Variants in DZIP1 observed in about 807,000 individuals in gnomAD.
DZIP1 encodes the protein cilium assembly protein DZIP1.
In DZIP1, 97 loss-of-function variants were observed where a neutral mutation model predicts 107.6. That is an observed-to-expected ratio of 0.90 (90% CI 0.77 to 1.07). DZIP1 has a LOEUF of 1.07. Among genes scored for constraint, DZIP1 ranks in the 50% least tolerant of loss-of-function variants. The pLI is 0.00. For synonymous variants in DZIP1, 390 were observed against 386.4 expected (o/e 1.01, Z -0.11); for missense variants, 1,035 against 1,063.6 (o/e 0.97, Z 0.37).
At chr13:95,629,418 A>C (rs1372445268) in intron 7 of DZIP1, among the ~76,000 whole-genome samples, 3 of 152,338 alleles carry the variant, frequency 2.0e-5, no homozygotes, top group African/African-American at 7.2e-5. Flanking sequence ...CATAGATGAG[A>C]AAAAAGAAAA....
chr13:95,626,978 A>G (rs1391827094), intron 7 of DZIP1, among the ~76,000 whole-genome samples: 1 of 152,242 alleles, frequency 6.6e-6, no homozygotes, highest in Non-Finnish European at 1.5e-5. Flanking sequence ...TCCCATTCCA[A>G]TAACCTTCTT....
At chr13:95,625,672 G>A (rs1408606) in intron 7 of DZIP1, among the ~76,000 whole-genome samples, 120,763 of 152,110 alleles carry the variant, frequency 0.79, 49,418 homozygotes, top group Non-Finnish European at 0.9. Flanking sequence ...AGTAAACAAC[G>A]TGCTCTTAAA....
intron 9 of DZIP1, among the ~76,000 whole-genome samples, chr13:95,620,435 G>C (rs1028287382): frequency 6.6e-6 from 1 of 152,230 alleles, no homozygotes. Flanking sequence ...AATACAGCTG[G>C]TATTTTTTAG....
At position 95,638,087 on chromosome 13, in the gene DZIP1, T is replaced by C. The variant is rs1283271618; in HGVS notation, c.597+3208A>G. Among the ~76,000 whole-genome samples, 12 of 21,960 alleles carry C rather than the reference T, an allele frequency of 5.5e-4. No individual in the cohort carries two copies. The East Asian group carries it at 0.014, about 25-fold the overall frequency. 14.4% of individuals were successfully genotyped at this position (21,960 alleles called of 152,430 possible). A position where few individuals can be genotyped will look rare whatever the true frequency, so the allele number is the denominator to read the frequency against. On this transcript the variant is annotated intron_variant, in intron 5 of 22. Transcript: ENST00000376829. ...CAAAATGCTAACCTGAGTTCAATCTTTTTTTTTTTTTTTTTTTTTGAGATG... is the reference window on the plus strand; with the variant it reads ...CAAAATGCTAACCTGAGTTCAATCTCTTTTTTTTTTTTTTTTTTTGAGATG...
intron 10 of DZIP1, among the ~76,000 whole-genome samples, chr13:95,619,229 A>G (rs1418412979): frequency 6.6e-6 from 1 of 152,254 alleles, no homozygotes; most frequent in Non-Finnish European, 1.5e-5. Context: ...ATATAAAGTG[A>G]AAAGTGTACA....
intron 16 of DZIP1, among the ~76,000 whole-genome samples, chr13:95,593,055 C>T (rs2044354855): frequency 6.6e-6 from 1 of 152,180 alleles, no homozygotes; most frequent in Non-Finnish European, 1.5e-5. Flanking sequence ...CATACACACA[C>T]ATCCATGTAC....
chr13:95,587,576 G>A lies in DZIP1; in HGVS notation c.2181C>T (p.Ser727=), dbSNP rs371016866. The A allele has an allele frequency of 1.1e-5, 17 of 1,613,808 alleles. No homozygotes were observed. The highest frequency in any genetic ancestry group is 8.5e-6 in the Non-Finnish European group (10 of 1,179,988). The change falls in exon 20 of 23, where the codon AGC becomes AGT. Residue 727 remains serine (S), a synonymous_variant. Transcript: ENST00000376829. ...VKSDADGTEG[S]EIEDTDDSPK... is the part of the protein sequence containing the mutation. Reference sequence around the variant, plus strand: ...GAGAATCATCAGTGTCCTCGATTTCGCTTCCCTCGGTCCCGTCCGCGTCAC... The same window carrying A: ...GAGAATCATCAGTGTCCTCGATTTCACTTCCCTCGGTCCCGTCCGCGTCAC...
chr13:95,594,462 T>C (rs565826569), intron 15 of DZIP1, among the ~76,000 whole-genome samples: 2 of 152,258 alleles, frequency 1.3e-5, no homozygotes, highest in South Asian at 4.1e-4. Flanking sequence ...AGTTAGAATT[T>C]ATGTATCATC....
intron 5 of DZIP1, among the ~76,000 whole-genome samples, chr13:95,637,618 CTCTCTCTCTCTCT>C (rs1877966584): frequency 2.5e-5 from 3 of 120,466 alleles, no homozygotes; most frequent in African/African-American, 1.0e-4. Context: ...CTCTCTCTCT[CTCTCTCTCTCTCT>C]CTCTCTCTCT....
intron 10 of DZIP1, among the ~76,000 whole-genome samples, chr13:95,618,246 A>C (rs7992753): frequency 0.41 from 63,049 of 152,044 alleles, 13,269 homozygotes; most frequent in Middle Eastern, 0.52. Context: ...GTCTGAGGGC[A>C]GGCATTGTTC....
rs746842996 is a variant in DZIP1 at position 95,641,940 on chromosome 13, G to A, written c.36+54C>T. ...GAGCTGGGGGTCCGGGGAAGCCCCGGTTCTCCCCAGCCCGGCATCCCCGTC... is the reference window on the plus strand; with the variant it reads ...GAGCTGGGGGTCCGGGGAAGCCCCGATTCTCCCCAGCCCGGCATCCCCGTC... On this transcript the variant is annotated intron_variant, in intron 4 of 22. Coordinates refer to ENST00000376829, the MANE Select transcript of DZIP1 (RefSeq NM_198968.4). The surrounding 1 kb of genome is among the most constrained non-coding windows in gnomAD (Gnocchi z 4.3). 4 of 1,526,296 alleles carry A rather than the reference G, an allele frequency of 2.6e-6. No homozygotes were observed. The highest frequency in any genetic ancestry group is 4.4e-5 in the Admixed American group (2 of 45,782). 94.5% of individuals were successfully genotyped at this position (1,526,296 alleles called of 1,614,324 possible).
chr13:95,617,954 G>A (rs761948245), intron 10 of DZIP1: 16 of 519,022 alleles, frequency 3.1e-5, no homozygotes, highest in Admixed American at 1.6e-4. Context: ...CTGGAGGAAC[G>A]AGGGTGCCAT....
chr13:95,591,214 A>C (rs1334050742), intron 16 of DZIP1, among the ~76,000 whole-genome samples: 7 of 151,838 alleles, frequency 4.6e-5, no homozygotes, highest in Admixed American at 6.6e-5. Flanking sequence ...TTTTTAGTAG[A>C]GATGGGGTTT....
rs897778939 is a variant in DZIP1, at chr13:95,605,851, T to G, written c.1477+152A>C. Reference sequence around the variant, plus strand: ...GTCCAGTTTACAACAATATTACACATGAAGACTGCAGTTTTAATAACTGTT... The same window carrying G: ...GTCCAGTTTACAACAATATTACACAGGAAGACTGCAGTTTTAATAACTGTT... On this transcript the variant is annotated intron_variant, in intron 14 of 22. Coordinates refer to ENST00000376829, the MANE Select transcript of DZIP1 (RefSeq NM_198968.4). The G allele has an allele frequency of 5.6e-6, 4 of 714,818 alleles. No homozygotes were observed. The Admixed American group carries it at 1.1e-4, about 20-fold the overall frequency. The allele number at this position is 714,818 out of a possible 1,614,324, so 44.3% of individuals were successfully genotyped here.
At chr13:95,588,436 T>C (rs2044222545) in intron 19 of DZIP1, among the ~76,000 whole-genome samples, 2 of 152,164 alleles carry the variant, frequency 1.3e-5, no homozygotes, top group South Asian at 4.1e-4. Context: ...GCAATGATGA[T>C]TAAATTATTC....
chr13:95,606,271 A>C (rs762500472), intron 13 of DZIP1, among the ~76,000 whole-genome samples: 39 of 152,198 alleles, frequency 2.6e-4, no homozygotes, highest in Non-Finnish European at 5.9e-5. Context: ...AAAATATACA[A>C]TTCAGTGGGT....
intron 5 of DZIP1, among the ~76,000 whole-genome samples, chr13:95,634,684 T>G (rs1367734369): frequency 6.6e-6 from 1 of 152,230 alleles, no homozygotes; most frequent in East Asian, 1.9e-4. Flanking sequence ...TATATTTCAT[T>G]TGTAAATATT....
chr13:95,604,032 A>G (rs1312524028), intron 14 of DZIP1, among the ~76,000 whole-genome samples: 1 of 152,220 alleles, frequency 6.6e-6, no homozygotes, highest in African/African-American at 2.4e-5. Context: ...AGGACAAGCC[A>G]GAGCACTCAT....
At chr13:95,589,660 T>G (rs1032151929) in intron 18 of DZIP1, 143 bp downstream of exon 18, 2 of 1,094,440 alleles carry the variant, frequency 1.8e-6, no homozygotes, top group Non-Finnish European at 2.6e-6. Flanking sequence ...CTGACTATAC[T>G]GGCATCCTGA....
Sources: gnomAD v4.1 joint callset for allele counts (sites outside exome capture counted in the v4.1 genomes callset) on GRCh38, gnomAD v4.1.1 for gene constraint, Gnocchi (gnomAD v3.1) non-coding constraint, MANE v1.5 for transcripts, NCBI Gene and HGNC (gene_info 2026-07-23, HGNC 2026-07-21) for gene names.